FCHO2: variants seen among roughly 807,000 people sequenced by gnomAD.
FCHO2 encodes the protein FCH and mu domain containing endocytic adaptor 2.
FCHO2 carries 43 observed loss-of-function variants against 114.1 expected under a neutral mutation model. The ratio of observed to expected loss-of-function variants is 0.38; its 90% CI spans 0.30 to 0.49. The LOEUF is 0.49. Ranked by LOEUF, FCHO2 falls within the 20% of genes least tolerant of loss-of-function variation. The probability of loss-of-function intolerance (pLI) is 0.97; values close to 1 mark genes in which losing one functional copy is unlikely to be tolerated. For synonymous variants in FCHO2, 293 were observed against 315.2 expected (o/e 0.93, Z 0.75); for missense variants, 807 against 950.4 (o/e 0.85, Z 1.98).
intron 6 of FCHO2, among the ~76,000 whole-genome samples, chr5:73,011,259 T>C (rs950430540): frequency 1.3e-5 from 2 of 152,296 alleles, no homozygotes; most frequent in South Asian, 4.1e-4. Flanking sequence ...TAGGTTACAT[T>C]AAATTTTATT....
chr5:73,006,468 T>C lies in FCHO2; in HGVS notation c.519T>C (p.Ala173=). Residue 173 remains alanine, a synonymous_variant, in exon 6 of 26, where the codon GCT becomes GCC. Coordinates refer to ENST00000430046, the MANE Select transcript of FCHO2 (RefSeq NM_138782.3). ...IEKAAVKSKK[A]TDTYKLYVEK... ...AGGCAGCTGTTAAATCTAAGAAAGC[T>C]ACAGATACCTATAAACTCTATGTGG... is the stretch of plus-strand genomic sequence containing the variant. 1.3e-6 allele frequency: 2 copies of C among 1,548,816 alleles called. No homozygotes were observed. The highest frequency in any genetic ancestry group is 1.7e-6 in the Non-Finnish European group (2 of 1,155,692).
chr5:72,995,060 G>A (rs892299358), intron 5 of FCHO2, among the ~76,000 whole-genome samples: 4 of 151,830 alleles, frequency 2.6e-5, no homozygotes, highest in Non-Finnish European at 5.9e-5. Context: ...CCACACCCCC[G>A]TGACACACAG....
At chr5:73,024,067 CTT>C (rs1388974042) in intron 8 of FCHO2, among the ~76,000 whole-genome samples, 1 of 147,828 alleles carries the variant, frequency 6.8e-6, no homozygotes. Context: ...TTTTCTTTTC[CTT>C]TTTTTTTTGA....
intron 8 of FCHO2, among the ~76,000 whole-genome samples, chr5:73,029,155 G>A (rs1236914712): frequency 6.6e-6 from 1 of 152,156 alleles, no homozygotes; most frequent in African/African-American, 2.4e-5. Context: ...TTTATCATAT[G>A]TTAATTATAC....
intron 21 of FCHO2, 120 bp downstream of exon 21, chr5:73,077,613 T>C: frequency 9.2e-7 from 1 of 1,082,406 alleles, no homozygotes; most frequent in Non-Finnish European, 1.3e-6. Flanking sequence ...GTGGATTGCT[T>C]GAGCCCAGTT....
chr5:72,969,382 T>A (rs891018918), intron 2 of FCHO2, among the ~76,000 whole-genome samples: 1 of 152,194 alleles, frequency 6.6e-6, no homozygotes, highest in Non-Finnish European at 1.5e-5. Context: ...TGATAGGAAT[T>A]GGGGAATAAA....
chr5:72,961,616 C>T (rs528513638), intron 1 of FCHO2, among the ~76,000 whole-genome samples: 176 of 149,984 alleles, frequency 1.2e-3, no homozygotes, highest in African/African-American at 4.1e-3. Flanking sequence ...TTTTTTGAGA[C>T]GGAGTTTCGC....
intron 8 of FCHO2, among the ~76,000 whole-genome samples, chr5:73,029,165 C>A (rs1057503927): frequency 6.6e-6 from 1 of 151,994 alleles, no homozygotes; most frequent in African/African-American, 2.4e-5. Context: ...GTTAATTATA[C>A]CTCAGAAAAT....
intron 11 of FCHO2, among the ~76,000 whole-genome samples, chr5:73,048,295 C>A (rs943484014): frequency 6.6e-5 from 10 of 151,804 alleles, no homozygotes; most frequent in Non-Finnish European, 1.5e-4. Context: ...ATTAAAAATA[C>A]AAAAATTTTC....
chr5:72,996,537 C>T (rs1299168132), intron 5 of FCHO2, among the ~76,000 whole-genome samples: 1 of 151,490 alleles, frequency 6.6e-6, no homozygotes, highest in African/African-American at 2.4e-5. Context: ...ACCCCCCTCC[C>T]TTACCCCTTC....
chr5:73,078,089 A>G (rs1484228491), intron 21 of FCHO2, 91 bp from the exon 22 acceptor site: 2 of 970,824 alleles, frequency 2.1e-6, no homozygotes, highest in African/African-American at 1.7e-5. Flanking sequence ...GTTTATTTCT[A>G]CTAGTTTTTC....
intron 17 of FCHO2, among the ~76,000 whole-genome samples, chr5:73,063,197 T>C (rs1757926738): frequency 6.6e-6 from 1 of 152,058 alleles, no homozygotes; most frequent in Non-Finnish European, 1.5e-5. Flanking sequence ...ATTTGTAAAA[T>C]TAGCAAATGG....
chr5:73,039,273 T>G (rs530182119), intron 10 of FCHO2, among the ~76,000 whole-genome samples: 3 of 152,294 alleles, frequency 2.0e-5, no homozygotes, highest in African/African-American at 7.2e-5. Flanking sequence ...TTTTCAGAGC[T>G]TCCTCTTCCT....
chr5:73,025,992 T>C (rs1341328219), intron 8 of FCHO2, among the ~76,000 whole-genome samples: 3 of 152,114 alleles, frequency 2.0e-5, no homozygotes, highest in African/African-American at 7.3e-5. Flanking sequence ...AAGATCCAAT[T>C]CTTTTAAAAA....
At chr5:73,059,001 T>C (rs1470734043) in intron 17 of FCHO2, among the ~76,000 whole-genome samples, 1 of 152,204 alleles carries the variant, frequency 6.6e-6, no homozygotes, top group East Asian at 1.9e-4. Context: ...ATTGCCAAAC[T>C]GCTTTCTAGA....
intron 2 of FCHO2, among the ~76,000 whole-genome samples, chr5:72,972,613 G>C (rs1291038169): frequency 1.3e-5 from 2 of 152,108 alleles, no homozygotes; most frequent in Non-Finnish European, 2.9e-5. Context: ...TGAGACAATG[G>C]GGTTTTCTAG....
In FCHO2 at chr5:73,089,145, T is replaced by C. The variant is rs1743404585; in HGVS notation, c.*1055T>C. The C allele has an allele frequency of 6.6e-6, 1 of 152,578 alleles. No individual in the cohort carries two copies. The highest frequency in any genetic ancestry group is 2.4e-5 in the African/African-American group (1 of 41,454). 9.5% of individuals were successfully genotyped at this position (152,578 alleles called of 1,614,324 possible). On this transcript the variant is annotated 3_prime_UTR_variant, in exon 26 of 26. Transcript: ENST00000430046. ...TACAGGAAGAAAGATTACCTTCAGA[T>C]ACTTGACATTAACCTCATCAAAAGT... is the stretch of plus-strand genomic sequence containing the variant.
At chr5:72,980,124 C>T (rs1388774691) in intron 2 of FCHO2, among the ~76,000 whole-genome samples, 1 of 152,076 alleles carries the variant, frequency 6.6e-6, no homozygotes, top group Non-Finnish European at 1.5e-5. Flanking sequence ...CAGCTGTGTC[C>T]CAGAGATCCT....
At chr5:72,965,177 T>G (rs993285950) in intron 1 of FCHO2, among the ~76,000 whole-genome samples, 1 of 152,084 alleles carries the variant, frequency 6.6e-6, no homozygotes, top group Admixed American at 6.5e-5. Flanking sequence ...TGGTTGAACG[T>G]CCCGTATACC....
Sources: allele counts gnomAD v4.1 joint callset (sites outside exome capture counted in the v4.1 genomes callset), GRCh38; gene constraint gnomAD v4.1.1; transcripts MANE v1.5; gene names NCBI Gene and HGNC (gene_info 2026-07-23, HGNC 2026-07-21).